Variants in CELF2 observed in about 807,000 individuals in gnomAD.
CELF2 encodes the protein CUG triplet repeat RNA-binding protein 2.
A neutral mutation model predicts 62.6 loss-of-function variants in CELF2; 8 were observed. That is an observed-to-expected ratio of 0.13 (90% CI 0.07 to 0.23). CELF2 has a LOEUF of 0.23. Ranked by LOEUF, CELF2 falls within the 10% of genes least tolerant of loss-of-function variation. The pLI, the probability that CELF2 is intolerant of heterozygous loss-of-function variation, is 1.00. For synonymous variants in CELF2, 258 were observed against 250.0 expected, an observed-to-expected ratio of 1.03 and a Z score of -0.30; for missense variants, 333 against 671.0, an observed-to-expected ratio of 0.50 and a Z score of 5.56.
rs976294773 is a variant in CELF2, at chr10:11,214,124, A to G, written c.272-3301A>G. ...CATAGTGGGACCCCTATCTCTACAA[A>G]AATGTAAAAAGTAGTCAGGCATGGT... On this transcript the variant is annotated intron_variant, in intron 2 of 12. Coordinates refer to ENST00000633077, the MANE Select transcript of CELF2 (RefSeq NM_001326342.2). The surrounding 1 kb of genome is among the most constrained non-coding windows in gnomAD (Gnocchi z 4.2). Among the ~76,000 whole-genome samples, 7 of 152,042 alleles carry G rather than the reference A, an allele frequency of 4.6e-5. No individual in the cohort carries two copies. Among genetic ancestry groups the G allele is most frequent in the African/African-American group, 1.4e-4 (6 of 41,388 alleles).
At chr10:10,499,385 G>C in the CELF2 span, among the ~76,000 whole-genome samples, 2 of 151,568 alleles carry the variant, frequency 1.3e-5, no homozygotes. Flanking sequence ...GACTATGTTT[G>C]AATTATTTTT....
the CELF2 span, among the ~76,000 whole-genome samples, chr10:10,651,182 C>T: frequency 1.6e-5 from 2 of 121,698 alleles, no homozygotes; most frequent in African/African-American, 3.0e-5. Context: ...AAACGGCGCA[C>T]CACGAGATTA....
rs1048941726 is a variant in CELF2 at position 11,319,927 on chromosome 10, C to G, written c.1097-1262C>G. 1 of 468,286 alleles carries G rather than the reference C, an allele frequency of 2.1e-6. No individual in the cohort carries two copies. Among genetic ancestry groups the G allele is most frequent in the Non-Finnish European group, 4.4e-6 (1 of 226,122 alleles). 29.0% of individuals were successfully genotyped at this position (468,286 alleles called of 1,614,324 possible). On this transcript the variant is annotated intron_variant, in intron 10 of 12. Coordinates refer to ENST00000633077, the MANE Select transcript of CELF2 (RefSeq NM_001326342.2). The surrounding 1 kb of genome is among the most constrained non-coding windows in gnomAD (Gnocchi z 4.4). ...GGAGGTCACTCTGCTGCCGGATTCT[C>G]TGGTGTTTCCAGGCAGCCTTACCTT...
the CELF2 span, among the ~76,000 whole-genome samples, chr10:10,552,919 GCTCCCTTC>G: frequency 2.0e-5 from 3 of 152,210 alleles, no homozygotes; most frequent in Non-Finnish European, 2.9e-5. Flanking sequence ...CCTGATGAGG[GCTCCCTTC>G]CTGGCTTATA....
At chr10:10,517,061 A>C in the CELF2 span, among the ~76,000 whole-genome samples, 2 of 152,178 alleles carry the variant, frequency 1.3e-5, no homozygotes, top group Non-Finnish European at 2.9e-5. Context: ...CAGTGCATGA[A>C]TTTATTGAAT....
the CELF2 span, among the ~76,000 whole-genome samples, chr10:10,741,694 ATTATTAGTGAGGT>A: frequency 6.6e-6 from 1 of 152,076 alleles, no homozygotes; most frequent in Admixed American, 6.6e-5. Flanking sequence ...AGTATGCCTT[ATTATTAGTGAGGT>A]TAACTTTGGT....
intron 1 of CELF2, among the ~76,000 whole-genome samples, chr10:11,130,592 G>A (rs948954611): frequency 3.3e-5 from 5 of 152,220 alleles, no homozygotes; most frequent in African/African-American, 4.8e-5. Flanking sequence ...CTAAAGTGTA[G>A]ATGTTTTTCC....
At chr10:11,096,107 A>G (rs2049803738) in intron 1 of CELF2, among the ~76,000 whole-genome samples, 1 of 152,228 alleles carries the variant, frequency 6.6e-6, no homozygotes, top group Admixed American at 6.5e-5. Context: ...CATTTATTTG[A>G]AGCGCATTAT....
At chr10:11,188,895 T>A (rs1165085313) in intron 2 of CELF2, among the ~76,000 whole-genome samples, 1 of 152,222 alleles carries the variant, frequency 6.6e-6, no homozygotes, top group Non-Finnish European at 1.5e-5. Context: ...CAGTGTTTAA[T>A]CTGCCGTTAA....
At chr10:10,915,392 G>A (rs1450901151) in intron 1 of CELF2, among the ~76,000 whole-genome samples, 1 of 152,028 alleles carries the variant, frequency 6.6e-6, no homozygotes, top group Non-Finnish European at 1.5e-5. Context: ...TGTGATCTTT[G>A]ACTAAGAGTA....
chr10:10,784,862 C>T, the CELF2 span, among the ~76,000 whole-genome samples: 60 of 152,290 alleles, frequency 3.9e-4, no homozygotes, highest in Middle Eastern at 6.8e-3. Context: ...CTGTCCATAT[C>T]ATCACCTGTA....
At chr10:11,200,723 A>T (rs1395498944) in intron 2 of CELF2, among the ~76,000 whole-genome samples, 3 of 152,238 alleles carry the variant, frequency 2.0e-5, no homozygotes, top group African/African-American at 7.2e-5. Context: ...TTGGAGAAGC[A>T]GTCCAAGGGG....
chr10:10,596,116 C>A, the CELF2 span, among the ~76,000 whole-genome samples: 1 of 152,088 alleles, frequency 6.6e-6, no homozygotes, highest in Admixed American at 6.6e-5. Flanking sequence ...TTGGGACTCA[C>A]CTGTCCTGTA....
intron 1 of CELF2, among the ~76,000 whole-genome samples, chr10:10,900,814 T>C (rs1050936469): frequency 1.3e-5 from 2 of 152,200 alleles, no homozygotes. Context: ...TGATTGTCGA[T>C]GTAGAAAATT....
intron 9 of CELF2, among the ~76,000 whole-genome samples, chr10:11,307,977 CAGTGCA>C (rs1286938313): frequency 6.6e-6 from 1 of 152,188 alleles, no homozygotes; most frequent in Admixed American, 6.5e-5. Flanking sequence ...ACGTTCTGCA[CAGTGCA>C]AGCTGCAGAG....
chr10:10,536,872 CAGA>C, the CELF2 span, among the ~76,000 whole-genome samples: 2 of 152,154 alleles, frequency 1.3e-5, no homozygotes, highest in Non-Finnish European at 2.9e-5. Context: ...TATTAAAATG[CAGA>C]AGATGACAGA....
At chr10:10,875,962 G>A (rs763523741) in intron 1 of CELF2, among the ~76,000 whole-genome samples, 42 of 152,130 alleles carry the variant, frequency 2.8e-4, no homozygotes, top group Non-Finnish European at 5.3e-4. Context: ...CTTGAACACA[G>A]CAAGAGAAAA....
intron 8 of CELF2, among the ~76,000 whole-genome samples, chr10:11,287,803 A>G (rs1403612743): frequency 6.6e-6 from 1 of 152,202 alleles, no homozygotes; most frequent in African/African-American, 2.4e-5. Context: ...TGCTTTCATC[A>G]TCTTATTTAA....
Position 11,227,636 on chromosome 10 carries a change from A to G in CELF2, c.354+10129A>G, listed in dbSNP as rs962523353. Among the ~76,000 whole-genome samples, 4 of 152,108 alleles carry G rather than the reference A, an allele frequency of 2.6e-5. No individual in the cohort carries two copies. Among genetic ancestry groups the G allele is most frequent in the African/African-American group, 9.7e-5 (4 of 41,412 alleles). Reference sequence around the variant, plus strand: ...GTTAGATTCGGCCGGAATCTAAGGGATAGAGATGTATCATGAGGTGGAAGC... The same window carrying G: ...GTTAGATTCGGCCGGAATCTAAGGGGTAGAGATGTATCATGAGGTGGAAGC... On this transcript the variant is annotated intron_variant, in intron 3 of 12. Coordinates refer to ENST00000633077, the MANE Select transcript of CELF2 (RefSeq NM_001326342.2). The surrounding 1 kb of genome is among the most constrained non-coding windows in gnomAD (Gnocchi z 4.8).
Sources: gnomAD v4.1 joint callset for allele counts (sites outside exome capture counted in the v4.1 genomes callset) on GRCh38, gnomAD v4.1.1 for gene constraint, Gnocchi (gnomAD v3.1) non-coding constraint, MANE v1.5 for transcripts, NCBI Gene and HGNC (gene_info 2026-07-23, HGNC 2026-07-21) for gene names.